SYNJ1: variants seen among roughly 807,000 people sequenced by gnomAD.
The protein encoded by SYNJ1 is polyphosphatidylinositol phosphatase SYNJ1.
In SYNJ1, 78 loss-of-function variants were observed where a neutral mutation model predicts 168.2. The observed-to-expected ratio is 0.46, with a 90% CI of 0.39 to 0.56. The LOEUF (loss-of-function observed/expected upper bound fraction) is 0.56, where lower values mean the gene tolerates loss of function less well. Among genes scored for constraint, SYNJ1 ranks in the 20% least tolerant of loss-of-function variants. SYNJ1 has a pLI of 0.00. For missense variants in SYNJ1, 1,303 were observed against 1,597.6 expected, an observed-to-expected ratio of 0.82 and a Z score of 3.14; for synonymous variants, 539 against 548.6, an observed-to-expected ratio of 0.98 and a Z score of 0.24.
rs942583729 is a variant in SYNJ1 at position 32,630,886 on chromosome 21, A to G, written c.*919T>C. The G allele has an allele frequency of 3.3e-5, 34 of 1,041,330 alleles. No homozygotes were observed. Among genetic ancestry groups the G allele is most frequent in the African/African-American group, 3.1e-4 (19 of 62,040 alleles). The allele number at this position is 1,041,330 out of a possible 1,614,324, so 64.5% of individuals were successfully genotyped here. A position where few individuals can be genotyped will look rare whatever the true frequency, so the allele number is the denominator to read the frequency against. ...CATCAAATAGTGGTGTTTTGTGAAGATATCAGTGCACTTACAATGACTTAT... is the reference window on the plus strand; with the variant it reads ...CATCAAATAGTGGTGTTTTGTGAAGGTATCAGTGCACTTACAATGACTTAT... On this transcript the variant is annotated 3_prime_UTR_variant, in exon 33 of 33. Transcript: ENST00000674351.
chr21:32,633,025 A>C (rs2039409908), intron 32 of SYNJ1, among the ~76,000 whole-genome samples: 4 of 152,288 alleles, frequency 2.6e-5, no homozygotes, highest in Admixed American at 2.6e-4. Flanking sequence ...CTCAAAAAAC[A>C]AAAAACAAAA....
rs566918736 is a variant in SYNJ1 at position 32,684,373 on chromosome 21, A to G, written c.1119-254T>C. 3.3e-5 allele frequency among the ~76,000 whole-genome samples: 5 copies of G among 152,332 alleles called. No homozygotes were observed. The East Asian group carries it at 9.6e-4, about 29-fold the overall frequency. On this transcript the variant is annotated intron_variant, in intron 9 of 32. Transcript: ENST00000674351. ...CACACTTATTTTTAATTAGGCCAAC[A>G]ATTAGAAACTAAATATACATTCAGG...
rs1479310351 is a variant in SYNJ1, at chr21:32,630,581, T to C, written c.*1224A>G. On this transcript the variant is annotated 3_prime_UTR_variant, in exon 33 of 33. Transcript: ENST00000674351. ...CAATGCCTTTCAAAACTCTGTTCAC[T>C]GTAACCTTGGCAGCTCTTTGGTAAA... 4 of 170,258 alleles carry C rather than the reference T, an allele frequency of 2.3e-5. No homozygotes were observed. Among genetic ancestry groups the C allele is most frequent in the East Asian group, 3.0e-4 (2 of 6,698 alleles). The allele number at this position is 170,258 out of a possible 1,614,324, so 10.5% of individuals were successfully genotyped here. A position where few individuals can be genotyped will look rare whatever the true frequency, so the allele number is the denominator to read the frequency against.
chr21:32,708,607 T>A (rs2042703186), intron 2 of SYNJ1, among the ~76,000 whole-genome samples: 1 of 152,228 alleles, frequency 6.6e-6, no homozygotes, highest in Non-Finnish European at 1.5e-5. Context: ...GCTGAACACA[T>A]AAGCTAAAGC....
chr21:32,707,051 CCA>C (rs1281683430), intron 2 of SYNJ1, among the ~76,000 whole-genome samples: 1 of 152,064 alleles, frequency 6.6e-6, no homozygotes, highest in Non-Finnish European at 1.5e-5. Context: ...CCCACATGTT[CCA>C]CATTCTCTTC....
At chr21:32,657,577 G>T in intron 19 of SYNJ1, 139 bp downstream of exon 19, 1 of 722,188 alleles carries the variant, frequency 1.4e-6, no homozygotes, top group East Asian at 3.2e-5. Context: ...CTAAAAATCT[G>T]ACATATTTAA....
intron 6 of SYNJ1, among the ~76,000 whole-genome samples, chr21:32,689,502 G>A (rs969731913): frequency 6.6e-6 from 1 of 152,186 alleles, no homozygotes; most frequent in African/African-American, 2.4e-5. Context: ...TCGCCATGTT[G>A]GCCAGGATGG....
intron 14 of SYNJ1, among the ~76,000 whole-genome samples, chr21:32,672,412 T>C (rs1157600101): frequency 6.6e-6 from 1 of 151,994 alleles, no homozygotes; most frequent in Non-Finnish European, 1.5e-5. Context: ...GGATCTCCGC[T>C]CACTGCAACC....
At chr21:32,667,271 T>G (rs1265938043) in intron 15 of SYNJ1, among the ~76,000 whole-genome samples, 1 of 152,172 alleles carries the variant, frequency 6.6e-6, no homozygotes, top group African/African-American at 2.4e-5. Context: ...TCCCCACTTT[T>G]CAAAATTTTT....
intron 18 of SYNJ1, among the ~76,000 whole-genome samples, chr21:32,661,290 C>T (rs1342742199): frequency 6.6e-6 from 1 of 152,216 alleles, no homozygotes; most frequent in Non-Finnish European, 1.5e-5. Context: ...GCTGACAGCG[C>T]AATGTGAGGC....
chr21:32,635,623 CATTATTAGAGAAAATGGCA>C (rs2039533277), intron 31 of SYNJ1, among the ~76,000 whole-genome samples: 1 of 152,102 alleles, frequency 6.6e-6, no homozygotes, highest in Non-Finnish European at 1.5e-5. Context: ...CTAGGGATGT[CATTATTAGAGAAAATGGCA>C]ATGTAATGGT....
In SYNJ1 at chr21:32,685,878, T is replaced by C; in HGVS notation, c.988A>G (p.Met330Val). ...ATTTGATGATAGTCAAAATTCACCA[T>C]CTGGATATCAGCAGCATGTTCAGAA... Reference protein sequence around the residue: ...KASEHAADIQMVNFDYHQMVK... With the variant: ...KASEHAADIQVVNFDYHQMVK... Residue 330 changes from methionine to valine, a missense_variant, in exon 9 of 33, where the codon ATG (methionine) becomes GTG (valine). Physicochemically the swap from Met to Val is conservative, Grantham distance 21. Transcript: ENST00000674351. The C allele has an allele frequency of 6.2e-7, 1 of 1,612,264 alleles. No individual in the cohort carries two copies. The highest frequency in any genetic ancestry group is 1.1e-5 in the South Asian group (1 of 90,790).
At position 32,630,999 on chromosome 21, in the gene SYNJ1, C is replaced by T. The variant is rs772562248; in HGVS notation, c.*806G>A. On this transcript the variant is annotated 3_prime_UTR_variant, in exon 33 of 33. Transcript: ENST00000674351. Reference sequence around the variant, plus strand: ...ACTGTTTTCTATTGCATGGCGTTATCTTTCTGTAAAGTCCAGTGTGGGTGA... The same window carrying T: ...ACTGTTTTCTATTGCATGGCGTTATTTTTCTGTAAAGTCCAGTGTGGGTGA... 3 of 1,610,254 alleles carry T rather than the reference C, an allele frequency of 1.9e-6. No individual in the cohort carries two copies. The highest frequency in any genetic ancestry group is 2.5e-6 in the Non-Finnish European group (3 of 1,177,944).
chr21:32,672,712 C>T (rs1185531490), intron 14 of SYNJ1, among the ~76,000 whole-genome samples: 1 of 152,118 alleles, frequency 6.6e-6, no homozygotes, highest in Non-Finnish European at 1.5e-5. Flanking sequence ...GTGCAGAGAA[C>T]CCAAACTGAA....
At chr21:32,647,111 T>C (rs1481409098) in intron 23 of SYNJ1, among the ~76,000 whole-genome samples, 2 of 152,188 alleles carry the variant, frequency 1.3e-5, no homozygotes, top group African/African-American at 4.8e-5. Flanking sequence ...CCCCAGGGTC[T>C]CCTCATCTCC....
chr21:32,645,885 G>T, intron 24 of SYNJ1, 96 bp from the exon 25 acceptor site: 1 of 1,474,754 alleles, frequency 6.8e-7, no homozygotes, highest in Non-Finnish European at 9.2e-7. Context: ...TCTATAAAAT[G>T]TGCACAATGG....
intron 11 of SYNJ1, among the ~76,000 whole-genome samples, chr21:32,679,939 T>C (rs571031105): frequency 2.5e-4 from 38 of 152,100 alleles, no homozygotes; most frequent in African/African-American, 8.9e-4. Context: ...TTTATATCTA[T>C]ATATTATGTT....
chr21:32,642,924 T>C (rs1373312805), intron 27 of SYNJ1, among the ~76,000 whole-genome samples: 1 of 152,188 alleles, frequency 6.6e-6, no homozygotes, highest in Non-Finnish European at 1.5e-5. Flanking sequence ...GCCTCTAGTC[T>C]TAAAGGTCTT....
chr21:32,652,699 A>G (rs2040317192), intron 22 of SYNJ1, among the ~76,000 whole-genome samples: 1 of 152,256 alleles, frequency 6.6e-6, no homozygotes, highest in Non-Finnish European at 1.5e-5. Context: ...GAAGCACTTC[A>G]GAGAAGTAAA....
Sources: gnomAD v4.1 joint callset for allele counts (sites outside exome capture counted in the v4.1 genomes callset) on GRCh38, gnomAD v4.1.1 for gene constraint, MANE v1.5 for transcripts, NCBI Gene and HGNC (gene_info 2026-07-23, HGNC 2026-07-21) for gene names.